CYP2C18: variants seen among roughly 807,000 people sequenced by gnomAD.
The protein encoded by CYP2C18 is cytochrome P450 family 2 subfamily C member 18, also known as cytochrome P450 2C18.
In CYP2C18, 38 loss-of-function variants were observed where a neutral mutation model predicts 41.3. That is an observed-to-expected ratio of 0.92 (90% CI 0.71 to 1.21). The LOEUF is 1.21. CYP2C18 is among the 50% of genes most tolerant of loss of function. The probability of loss-of-function intolerance (pLI) is 0.00; values close to 1 mark genes in which losing one functional copy is unlikely to be tolerated. For synonymous variants in CYP2C18, 236 were observed against 210.0 expected (o/e 1.12, Z -1.07); for missense variants, 635 against 591.4 (o/e 1.07, Z -0.77).
At chr10:94,687,982 G>A (rs1846923524) in intron 2 of CYP2C18, 50 bp downstream of exon 2, 1 of 1,601,852 alleles carries the variant, frequency 6.2e-7, no homozygotes, top group Non-Finnish European at 8.5e-7. Context: ...GTACTGGGCA[G>A]TGGCTATAGG....
intron 3 of CYP2C18, among the ~76,000 whole-genome samples, chr10:94,688,992 T>G (rs1016853849): frequency 1.3e-5 from 2 of 152,184 alleles, no homozygotes; most frequent in Non-Finnish European, 2.9e-5. Context: ...GGGTTTATTC[T>G]AAGGTCTGTG....
intron 2 of CYP2C18, 30 bp from the exon 3 acceptor site, chr10:94,688,091 TCTCC>T: frequency 1.2e-6 from 2 of 1,612,856 alleles, no homozygotes; most frequent in Non-Finnish European, 8.5e-7. Context: ...TTGTTTGGAT[TCTCC>T]CTCGTAGCTT....
Position 94,720,008 on chromosome 10 carries a change from G to A in CYP2C18, c.820-388G>A, listed in dbSNP as rs148990619. ...ATTACAGGCATGAGCCACCACAGAT[G>A]GACTTGTTATATTCTTAAATATTCA... On this transcript the variant is annotated intron_variant, in intron 5 of 8. Coordinates refer to ENST00000285979, the MANE Select transcript of CYP2C18 (RefSeq NM_000772.3). Among the ~76,000 whole-genome samples the A allele has an allele frequency of 1.8e-3, 275 of 152,110 alleles. 1 individual carries two copies. The highest frequency in any genetic ancestry group is 6.0e-3 in the African/African-American group (247 of 41,508).
chr10:94,700,626 A>C (rs187308973), intron 4 of CYP2C18, among the ~76,000 whole-genome samples: 1 of 152,300 alleles, frequency 6.6e-6, no homozygotes, highest in East Asian at 1.9e-4. Flanking sequence ...TGACAAATGG[A>C]TCTAATTAAA....
At chr10:94,688,806 A>G (rs1436790666) in intron 3 of CYP2C18, among the ~76,000 whole-genome samples, 2 of 152,222 alleles carry the variant, frequency 1.3e-5, no homozygotes, top group African/African-American at 4.8e-5. Flanking sequence ...TTAAAGAGCA[A>G]TGTTTTTCCC....
chr10:94,724,318 C>T (rs772929987), intron 6 of CYP2C18, 28 bp from the exon 7 acceptor site: 3 of 1,610,994 alleles, frequency 1.9e-6, no homozygotes, highest in South Asian at 2.2e-5. Flanking sequence ...TCCTCCTTTT[C>T]CATCATTTCT....
Position 94,720,456 on chromosome 10 carries a change from A to G in CYP2C18, c.880A>G (p.Met294Val). ...VESLIATVTD[M>V]FGAGTETTST... ...AAGCTTGATAGCCACTGTAACTGAT[A>G]TGTTTGGGGCTGGAACAGAGACAAC... is the stretch of plus-strand genomic sequence containing the variant. Residue 294 changes from methionine to valine, a missense_variant, in exon 6 of 9, where the codon ATG becomes GTG. By Grantham distance (21) the Met-to-Val change is conservative. Coordinates refer to ENST00000285979, the MANE Select transcript of CYP2C18 (RefSeq NM_000772.3). 1 of 1,613,130 alleles carries G rather than the reference A, an allele frequency of 6.2e-7. No individual in the cohort carries two copies.
intron 5 of CYP2C18, among the ~76,000 whole-genome samples, chr10:94,712,028 T>TTTTTTTTTG (rs1847446163): frequency 8.1e-6 from 1 of 123,548 alleles, no homozygotes; most frequent in African/African-American, 2.7e-5. Context: ...TTTTTTTTTT[T>TTTTTTTTTG]GTAGAGATAG....
intron 2 of CYP2C18, 66 bp from the exon 3 acceptor site, chr10:94,688,059 C>T: frequency 1.9e-6 from 3 of 1,608,164 alleles, no homozygotes; most frequent in Non-Finnish European, 2.6e-6. Context: ...CACGTGGCTG[C>T]CGAGTGTCAG....
rs545798981 is a variant in CYP2C18, at chr10:94,688,223, C to A, written c.430C>A (p.Arg144Ser). The A allele has an allele frequency of 1.2e-6, 2 of 1,613,242 alleles. No individual in the cohort carries two copies. The highest frequency in any genetic ancestry group is 1.1e-5 in the South Asian group (1 of 91,024). The change falls in exon 3 of 9, where the codon CGT becomes AGT. Residue 144 changes from arginine to serine, a missense_variant. Transcript: ENST00000285979. ...GATGGGGAAGAGGAGCATCGAGGAC[C>A]GTGTTCAAGAGGAAGCCCGCTGCCT... The part of the protein sequence containing the change: ...FGMGKRSIED[R>S]VQEEARCLVE...
intron 3 of CYP2C18, among the ~76,000 whole-genome samples, chr10:94,691,119 A>G (rs924760614): frequency 6.6e-6 from 1 of 152,304 alleles, no homozygotes; most frequent in Non-Finnish European, 1.5e-5. Context: ...GCACAAGACA[A>G]GGATGCCCTC....
intron 6 of CYP2C18, among the ~76,000 whole-genome samples, chr10:94,722,895 G>A (rs904023067): frequency 6.6e-6 from 1 of 152,074 alleles, no homozygotes; most frequent in African/African-American, 2.4e-5. Flanking sequence ...AGGACAAGTA[G>A]CACCAGTGGA....
In CYP2C18 at chr10:94,683,995, T is replaced by A; in HGVS notation, c.168+8T>A. On this transcript the variant is annotated splice_region_variant and intron_variant, in intron 1 of 8. Transcript: ENST00000285979. ...AGCAAATCCTTAACCAATGTAAGTA[T>A]GCTTTATGTTCCTCCAGTAATGTAC... The A allele has an allele frequency of 6.3e-7, 1 of 1,587,890 alleles. No homozygotes were observed. Among genetic ancestry groups the A allele is most frequent in the Non-Finnish European group, 8.6e-7 (1 of 1,163,916 alleles).
At chr10:94,722,083 T>A (rs1847655997) in intron 6 of CYP2C18, among the ~76,000 whole-genome samples, 1 of 152,146 alleles carries the variant, frequency 6.6e-6, no homozygotes, top group East Asian at 1.9e-4. Flanking sequence ...AAATACTATT[T>A]ATTGAAGTGT....
intron 3 of CYP2C18, among the ~76,000 whole-genome samples, chr10:94,691,905 C>G (rs1176387331): frequency 6.6e-5 from 10 of 152,040 alleles, no homozygotes; most frequent in East Asian, 5.8e-4. Flanking sequence ...TCAAACCTGA[C>G]AAAAACAAGC....
chr10:94,688,237 A>C lies in CYP2C18; in HGVS notation c.444A>C (p.Glu148Asp). Residue 148 changes from glutamate (E) to aspartate (D), a missense_variant, in exon 3 of 9, where the codon GAA (glutamate) becomes GAC (aspartate). Physicochemically the swap from Glu to Asp is conservative, Grantham distance 45. Coordinates refer to ENST00000285979, the MANE Select transcript of CYP2C18 (RefSeq NM_000772.3). ...GCATCGAGGACCGTGTTCAAGAGGA[A>C]GCCCGCTGCCTTGTGGAGGAGTTGA... ...KRSIEDRVQE[E>D]ARCLVEELRK... 6.2e-7 allele frequency: 1 copy of C among 1,613,468 alleles called. No individual in the cohort carries two copies. Among genetic ancestry groups the C allele is most frequent in the Non-Finnish European group, 8.5e-7 (1 of 1,179,648 alleles).
At chr10:94,696,698 T>A (rs1847123656) in intron 4 of CYP2C18, among the ~76,000 whole-genome samples, 1 of 151,562 alleles carries the variant, frequency 6.6e-6, no homozygotes, top group Non-Finnish European at 1.5e-5. Context: ...AAGCAGGAAG[T>A]TCAAACCCAT....
intron 8 of CYP2C18, among the ~76,000 whole-genome samples, chr10:94,733,845 G>A (rs1044485043): frequency 1.3e-5 from 2 of 152,056 alleles, no homozygotes; most frequent in Non-Finnish European, 2.9e-5. Flanking sequence ...GGAGATACAA[G>A]TATCTGAGAG....
chr10:94,697,920 A>G (rs1847152033), intron 4 of CYP2C18, among the ~76,000 whole-genome samples: 2 of 152,252 alleles, frequency 1.3e-5, no homozygotes, highest in African/African-American at 2.4e-5. Flanking sequence ...CAATTCAACA[A>G]GAAGAGCTAA....
Sources: gnomAD v4.1 joint callset for allele counts (sites outside exome capture counted in the v4.1 genomes callset) on GRCh38, gnomAD v4.1.1 for gene constraint, MANE v1.5 for transcripts, NCBI Gene and HGNC (gene_info 2026-07-23, HGNC 2026-07-21) for gene names.